UVRAG: variants seen among roughly 807,000 people sequenced by gnomAD.
UVRAG encodes the protein UV radiation resistance-associated gene protein.
In UVRAG, 19 loss-of-function variants were observed where a neutral mutation model predicts 78.0. The ratio of observed to expected loss-of-function variants is 0.24; its 90% CI spans 0.17 to 0.36. UVRAG has a LOEUF of 0.36. Ranked by LOEUF, UVRAG falls within the 10% of genes least tolerant of loss-of-function variation. The pLI is 1.00. For synonymous variants in UVRAG, 323 were observed against 324.6 expected (o/e 1.00, Z 0.05); for missense variants, 740 against 853.8 (o/e 0.87, Z 1.66).
chr11:76,056,385 A>G (rs1292284426), intron 12 of UVRAG, among the ~76,000 whole-genome samples: 1 of 152,242 alleles, frequency 6.6e-6, no homozygotes, highest in Non-Finnish European at 1.5e-5. Context: ...TTGCTACATC[A>G]TAGGATAAGT....
At chr11:75,975,944 C>T (rs1949229135) in intron 7 of UVRAG, among the ~76,000 whole-genome samples, 2 of 152,142 alleles carry the variant, frequency 1.3e-5, no homozygotes, top group South Asian at 4.1e-4. Flanking sequence ...TGTCTTGTGC[C>T]AGTTTTCAAA....
intron 5 of UVRAG, among the ~76,000 whole-genome samples, chr11:75,899,762 T>C (rs938825113): frequency 3.3e-5 from 5 of 152,222 alleles, no homozygotes; most frequent in African/African-American, 1.2e-4. Context: ...TTGAACAGTA[T>C]CAAAGTGCTT....
chr11:75,854,992 A>G (rs1406580453), intron 2 of UVRAG, among the ~76,000 whole-genome samples: 1 of 152,188 alleles, frequency 6.6e-6, no homozygotes, highest in Non-Finnish European at 1.5e-5. Context: ...CTCTGATAAT[A>G]GTAATTAACA....
At chr11:75,879,664 C>T (rs1046012946) in intron 3 of UVRAG, among the ~76,000 whole-genome samples, 45 of 152,170 alleles carry the variant, frequency 3.0e-4, no homozygotes, top group African/African-American at 1.1e-3. Context: ...ATATACGCTT[C>T]TTCTAATGAC....
intron 7 of UVRAG, among the ~76,000 whole-genome samples, chr11:75,966,924 T>G (rs1949034755): frequency 6.6e-6 from 1 of 152,200 alleles, no homozygotes; most frequent in Non-Finnish European, 1.5e-5. Flanking sequence ...AAACAGAATT[T>G]GGGGTGCCCA....
rs1414008287 is a variant in UVRAG at position 76,141,737 on chromosome 11, A to G, written c.*324A>G. ...ACCCTTGTATGTTATCCTCAGAGGG[A>G]AGATGATAATATATAAATAATATAA... is the stretch of plus-strand genomic sequence containing the variant. On this transcript the variant is annotated 3_prime_UTR_variant, in exon 15 of 15. Coordinates refer to ENST00000356136, the MANE Select transcript of UVRAG (RefSeq NM_003369.4). 3.4e-6 allele frequency: 1 copy of G among 296,134 alleles called. No individual in the cohort carries two copies. The highest frequency in any genetic ancestry group is 6.3e-6 in the Non-Finnish European group (1 of 157,590). The allele number at this position is 296,134 out of a possible 1,614,324, so 18.3% of individuals were successfully genotyped here. A position where few individuals can be genotyped will look rare whatever the true frequency, so the allele number is the denominator to read the frequency against.
At chr11:76,091,607 T>A (rs1304990763) in intron 13 of UVRAG, among the ~76,000 whole-genome samples, 1 of 152,136 alleles carries the variant, frequency 6.6e-6, no homozygotes, top group Non-Finnish European at 1.5e-5. Flanking sequence ...TTTGCTTACC[T>A]TCATCTTCTT....
chr11:76,124,055 C>T (rs1355749697), intron 14 of UVRAG, among the ~76,000 whole-genome samples: 2 of 152,198 alleles, frequency 1.3e-5, no homozygotes, highest in Non-Finnish European at 2.9e-5. Flanking sequence ...TGAGCCACCA[C>T]GCCCAGCTGA....
At chr11:76,046,485 A>G (rs1297974187) in intron 12 of UVRAG, among the ~76,000 whole-genome samples, 1 of 152,244 alleles carries the variant, frequency 6.6e-6, no homozygotes, top group East Asian at 1.9e-4. Context: ...AAATGAAAAA[A>G]CTAGGTTGTT....
At chr11:75,890,871 A>G (rs1013538607) in intron 5 of UVRAG, among the ~76,000 whole-genome samples, 4 of 152,188 alleles carry the variant, frequency 2.6e-5, no homozygotes, top group Admixed American at 6.5e-5. Flanking sequence ...CCCAAGGGAA[A>G]GAGAGCAAAG....
intron 12 of UVRAG, among the ~76,000 whole-genome samples, chr11:76,043,938 AT>A (rs902880592): frequency 6.6e-6 from 1 of 152,200 alleles, no homozygotes; most frequent in Non-Finnish European, 1.5e-5. Flanking sequence ...TGGAGTTTGT[AT>A]GTAATGGAAA....
intron 7 of UVRAG, among the ~76,000 whole-genome samples, chr11:75,981,249 T>A (rs1949386137): frequency 6.6e-6 from 1 of 152,008 alleles, no homozygotes; most frequent in South Asian, 2.1e-4. Context: ...ATAGCTGGGA[T>A]TACAGGTGCC....
intron 7 of UVRAG, among the ~76,000 whole-genome samples, chr11:75,964,658 T>A (rs1434039650): frequency 6.6e-6 from 1 of 152,202 alleles, no homozygotes; most frequent in South Asian, 2.1e-4. Context: ...ATCCCAGCAA[T>A]TTGGGAGGCC....
chr11:75,901,071 T>C (rs1947484072), intron 5 of UVRAG, among the ~76,000 whole-genome samples: 1 of 152,164 alleles, frequency 6.6e-6, no homozygotes, highest in Admixed American at 6.5e-5. Context: ...TTAACAGAGA[T>C]ACGTACACAG....
chr11:76,130,739 C>T (rs554284782), intron 14 of UVRAG, among the ~76,000 whole-genome samples: 1 of 152,284 alleles, frequency 6.6e-6, no homozygotes, highest in Non-Finnish European at 1.5e-5. Context: ...TCAAAGACTT[C>T]ATCTCACAGA....
chr11:75,924,249 C>T (rs1948039675), intron 6 of UVRAG, among the ~76,000 whole-genome samples: 1 of 151,992 alleles, frequency 6.6e-6, no homozygotes, highest in Non-Finnish European at 1.5e-5. Context: ...AATTACCTTT[C>T]CAAAGATGAT....
chr11:76,046,287 T>C (rs1950754675), intron 12 of UVRAG, among the ~76,000 whole-genome samples: 1 of 152,080 alleles, frequency 6.6e-6, no homozygotes, highest in Non-Finnish European at 1.5e-5. Flanking sequence ...ACATTATTCA[T>C]GGAAAAGGAG....
At chr11:75,826,693 C>CTTT (rs11289695) in intron 1 of UVRAG, among the ~76,000 whole-genome samples, 4 of 133,228 alleles carry the variant, frequency 3.0e-5, no homozygotes, top group Non-Finnish European at 6.5e-5. Context: ...CCATGCCTAT[C>CTTT]TTTTTTTTTT....
At chr11:76,031,220 A>C (rs970487894) in intron 12 of UVRAG, among the ~76,000 whole-genome samples, 2 of 152,204 alleles carry the variant, frequency 1.3e-5, no homozygotes, top group African/African-American at 4.8e-5. Context: ...TCCAAGGCAC[A>C]GGCATCAGCA....
Sources: gnomAD v4.1 joint callset for allele counts (sites outside exome capture counted in the v4.1 genomes callset) on GRCh38, gnomAD v4.1.1 for gene constraint, MANE v1.5 for transcripts, NCBI Gene and HGNC (gene_info 2026-07-23, HGNC 2026-07-21) for gene names.